ATRNL1: variants seen among roughly 807,000 people sequenced by gnomAD.
ATRNL1 encodes the protein attractin like 1.
ATRNL1 carries 95 observed loss-of-function variants against 182.7 expected under a neutral mutation model. The observed-to-expected ratio is 0.52, with a 90% CI of 0.44 to 0.62. The LOEUF (loss-of-function observed/expected upper bound fraction) is 0.62, where lower values mean the gene tolerates loss of function less well. ATRNL1 is among the 20% of genes least tolerant of loss of function. The pLI, the probability that ATRNL1 is intolerant of heterozygous loss-of-function variation, is 0.00. For synonymous variants in ATRNL1, 576 were observed against 568.3 expected (o/e 1.01, Z -0.19); for missense variants, 1,471 against 1,679.5 (o/e 0.88, Z 2.17).
intron 21 of ATRNL1, among the ~76,000 whole-genome samples, chr10:115,461,110 T>C (rs1847774402): frequency 6.6e-6 from 1 of 152,108 alleles, no homozygotes; most frequent in Non-Finnish European, 1.5e-5. Flanking sequence ...TTAATCTGTA[T>C]GTTCTATATT....
At chr10:115,922,987 C>A (rs1351679187) in intron 28 of ATRNL1, among the ~76,000 whole-genome samples, 1 of 151,996 alleles carries the variant, frequency 6.6e-6, no homozygotes, top group Non-Finnish European at 1.5e-5. Context: ...TTTAGCCCAC[C>A]GTAAAGGAAT....
intron 26 of ATRNL1, among the ~76,000 whole-genome samples, chr10:115,561,963 C>T (rs1428773888): frequency 6.6e-6 from 1 of 152,090 alleles, no homozygotes; most frequent in Non-Finnish European, 1.5e-5. Context: ...GTGTAATACA[C>T]TCTGACAATT....
chr10:115,552,373 G>A (rs1853043234), intron 26 of ATRNL1, among the ~76,000 whole-genome samples: 1 of 151,188 alleles, frequency 6.6e-6, no homozygotes, highest in South Asian at 2.1e-4. Flanking sequence ...TCAAAACATT[G>A]AAGAAATCAA....
intron 10 of ATRNL1, among the ~76,000 whole-genome samples, chr10:115,243,088 G>GA (rs1266342390): frequency 6.6e-6 from 1 of 151,496 alleles, no homozygotes; most frequent in Non-Finnish European, 1.5e-5. Flanking sequence ...TTCTTCTGGG[G>GA]AAAAAAAATC....
chr10:115,166,564 A>G (rs1300903221), intron 7 of ATRNL1, among the ~76,000 whole-genome samples: 3 of 151,968 alleles, frequency 2.0e-5, no homozygotes, highest in Admixed American at 2.0e-4. Flanking sequence ...AGCCTTGTCA[A>G]CACTTGTTAT....
At chr10:115,830,907 A>G (rs1018119536) in intron 27 of ATRNL1, among the ~76,000 whole-genome samples, 3 of 151,808 alleles carry the variant, frequency 2.0e-5, no homozygotes, top group Non-Finnish European at 4.4e-5. Flanking sequence ...AATTCATATG[A>G]AAGTATGCAG....
Position 115,356,138 on chromosome 10 carries a change from A to C in ATRNL1, c.3175+21719A>C, listed in dbSNP as rs182155556. 4.1e-4 allele frequency among the ~76,000 whole-genome samples: 62 copies of C among 152,142 alleles called. 1 individual carries two copies. The East Asian group carries it at 8.9e-3, about 22-fold the overall frequency. The stretch of plus-strand genomic sequence containing the variant: ...ATTACCTTTTTTTCTCTCTTCTAAG[A>C]TGAGGAAATTTTTCATTTTAAACCA... On this transcript the variant is annotated intron_variant, in intron 19 of 28. Transcript: ENST00000355044.
At chr10:115,121,464 G>A (rs1305837097) in intron 2 of ATRNL1, among the ~76,000 whole-genome samples, 1 of 152,004 alleles carries the variant, frequency 6.6e-6, no homozygotes, top group African/African-American at 2.4e-5. Context: ...CATATGTCCT[G>A]TTAATAGATT....
intron 20 of ATRNL1, among the ~76,000 whole-genome samples, chr10:115,409,357 C>A (rs1262901976): frequency 6.6e-6 from 1 of 151,934 alleles, no homozygotes; most frequent in African/African-American, 2.4e-5. Flanking sequence ...ATTTCTTTTT[C>A]AGCTACTTTG....
chr10:115,179,574 AT>A (rs1847667015), intron 8 of ATRNL1, among the ~76,000 whole-genome samples: 1 of 151,978 alleles, frequency 6.6e-6, no homozygotes, highest in Admixed American at 6.6e-5. Context: ...TGATCATATT[AT>A]TTATTTCCTG....
chr10:115,886,993 G>A (rs1172652857), intron 28 of ATRNL1, among the ~76,000 whole-genome samples: 1 of 152,146 alleles, frequency 6.6e-6, no homozygotes, highest in Admixed American at 6.5e-5. Flanking sequence ...TTCTGCAGTA[G>A]TACATTCGTT....
At chr10:115,493,411 T>A (rs1029602550) in intron 24 of ATRNL1, among the ~76,000 whole-genome samples, 1 of 152,204 alleles carries the variant, frequency 6.6e-6, no homozygotes, top group Admixed American at 6.5e-5. Flanking sequence ...ATATTGACCT[T>A]CAGCTCCATT....
chr10:115,849,243 T>C (rs1950998819), intron 28 of ATRNL1, among the ~76,000 whole-genome samples: 2 of 152,200 alleles, frequency 1.3e-5, no homozygotes, highest in Admixed American at 6.5e-5. Context: ...GTGAATGTCT[T>C]GTTCTTTTCC....
At chr10:115,823,513 G>A (rs1351301588) in intron 27 of ATRNL1, among the ~76,000 whole-genome samples, 2 of 152,180 alleles carry the variant, frequency 1.3e-5, no homozygotes, top group Admixed American at 1.3e-4. Context: ...TGACATGATT[G>A]TATATTTAGA....
In ATRNL1 at chr10:115,426,232, G is replaced by C. The variant is rs1845880746; in HGVS notation, c.3270-18G>C. 1 of 1,609,240 alleles carries C rather than the reference G, an allele frequency of 6.2e-7. No homozygotes were observed. The highest frequency in any genetic ancestry group is 1.3e-5 in the African/African-American group (1 of 74,842). On this transcript the variant is annotated intron_variant, in intron 20 of 28. Coordinates refer to ENST00000355044, the MANE Select transcript of ATRNL1 (RefSeq NM_207303.4). ...AATTGCATTGTTTAATAGTAAATGA[G>C]TTTTTGTGTTTCTGCAGATGTGACT... is the stretch of plus-strand genomic sequence containing the variant.
chr10:115,365,774 A>T (rs1409122737), intron 19 of ATRNL1, among the ~76,000 whole-genome samples: 2 of 151,894 alleles, frequency 1.3e-5, no homozygotes, highest in Non-Finnish European at 2.9e-5. Context: ...TCATTTCGTT[A>T]TGTATCCAGT....
chr10:115,752,079 A>C (rs961720706), intron 27 of ATRNL1, among the ~76,000 whole-genome samples: 1 of 152,036 alleles, frequency 6.6e-6, no homozygotes, highest in Non-Finnish European at 1.5e-5. Flanking sequence ...GTTAGAATTA[A>C]TATGTGAATG....
intron 26 of ATRNL1, among the ~76,000 whole-genome samples, chr10:115,682,583 A>G (rs1354909365): frequency 6.6e-6 from 1 of 152,092 alleles, no homozygotes; most frequent in Non-Finnish European, 1.5e-5. Context: ...TGTACTTGAT[A>G]TGTTGCTGTG....
intron 26 of ATRNL1, among the ~76,000 whole-genome samples, chr10:115,679,437 G>A (rs756629408): frequency 6.6e-6 from 1 of 151,854 alleles, no homozygotes; most frequent in African/African-American, 2.4e-5. Context: ...CCTGCCTGCA[G>A]GTTTTTTTTA....
Sources: allele counts gnomAD v4.1 joint callset (sites outside exome capture counted in the v4.1 genomes callset), GRCh38; gene constraint gnomAD v4.1.1; transcripts MANE v1.5; gene names NCBI Gene and HGNC (gene_info 2026-07-23, HGNC 2026-07-21).